The following L3MBTL3 variants were observed in gnomAD, a reference collection of about 807,000 sequenced individuals.
L3MBTL3 encodes the protein L3MBTL histone methyl-lysine binding protein 3, also known as lethal(3)malignant brain tumor-like protein 3.
In L3MBTL3, 27 loss-of-function variants were observed where a neutral mutation model predicts 102.3. The ratio of observed to expected loss-of-function variants is 0.26; its 90% confidence interval spans 0.19 to 0.36. L3MBTL3 has a LOEUF of 0.36. L3MBTL3 is among the 10% of genes least tolerant of loss of function. L3MBTL3 has a pLI of 1.00. For missense variants in L3MBTL3, 798 were observed against 955.3 expected (o/e 0.84, Z 2.17); for synonymous variants, 340 against 320.9 (o/e 1.06, Z -0.64).
At chr6:130,084,817 A>G (rs1294476529) in intron 15 of L3MBTL3, among the ~76,000 whole-genome samples, 2 of 152,046 alleles carry the variant, frequency 1.3e-5, no homozygotes, top group Non-Finnish European at 2.9e-5. Context: ...TAACATACTT[A>G]ATTTTCATGG....
chr6:130,063,032 A>C (rs1297175631), intron 10 of L3MBTL3, among the ~76,000 whole-genome samples: 1 of 145,266 alleles, frequency 6.9e-6, no homozygotes, highest in Non-Finnish European at 1.5e-5. Context: ...TTTGCAATGC[A>C]ATGGTAAGAC....
In L3MBTL3 at chr6:130,116,961, ATTTATTTATTTT is replaced by A. The variant is rs1048527405; in HGVS notation, c.1887-3910_1887-3899del. On this transcript the variant is annotated intron_variant, in intron 19 of 22. Transcript: ENST00000361794. Reference sequence around the variant, plus strand: ...TTTTCCTCTTATTTTTTATTTATTTATTTATTTATTTTTTTATTTTTTTATTATACTTTAAGT... The same window carrying A: ...TTTTCCTCTTATTTTTTATTTATTTATTTATTTTTTTATTATACTTTAAGT... 4.8e-4 allele frequency among the ~76,000 whole-genome samples: 65 copies of A among 135,578 alleles called. No homozygotes were observed. The South Asian group carries it at 8.8e-3, about 18-fold the overall frequency. 88.9% of individuals were successfully genotyped at this position (135,578 alleles called of 152,430 possible). A position where few individuals can be genotyped will look rare whatever the true frequency, so the allele number is the denominator to read the frequency against.
At chr6:130,025,073 ATTCT>A in intron 2 of L3MBTL3, among the ~76,000 whole-genome samples, 1 of 152,242 alleles carries the variant, frequency 6.6e-6, no homozygotes, top group East Asian at 1.9e-4. Flanking sequence ...GATTGAGGCG[ATTCT>A]TTCTTTGACC....
rs1350313530 is a variant in L3MBTL3 at position 130,071,094 on chromosome 6, A to G, written c.1211A>G (p.His404Arg). The G allele has an allele frequency of 6.2e-7, 1 of 1,613,110 alleles. No homozygotes were observed. The highest frequency in any genetic ancestry group is 1.7e-5 in the Admixed American group (1 of 59,922). ...TDMVDNRFLVHFDNWDESYDY... is the reference protein window; with the variant it reads ...TDMVDNRFLVRFDNWDESYDY... ...ATGGTGGACAATCGTTTCCTGGTACATTTTGACAACTGGGATGAGAGCTAT... is the reference window on the plus strand; with the variant it reads ...ATGGTGGACAATCGTTTCCTGGTACGTTTTGACAACTGGGATGAGAGCTAT... Residue 404 changes from histidine (H) to arginine (R), a missense_variant, in exon 13 of 23, where the codon CAT becomes CGT. Around this residue, in one of 4 missense-constraint regions of L3MBTL3, gnomAD observed 434 missense variants for 506.6 expected, o/e 0.86. Coordinates refer to ENST00000361794, the MANE Select transcript of L3MBTL3 (RefSeq NM_032438.4).
intron 1 of L3MBTL3, among the ~76,000 whole-genome samples, chr6:130,020,191 C>T (rs1257104220): frequency 6.7e-6 from 1 of 150,364 alleles, no homozygotes; most frequent in African/African-American, 2.4e-5. Context: ...GCTTTGCACA[C>T]TCGCGTCCTG....
intron 2 of L3MBTL3, among the ~76,000 whole-genome samples, chr6:130,034,785 A>T (rs1012617523): frequency 3.9e-5 from 6 of 152,210 alleles, no homozygotes; most frequent in African/African-American, 1.4e-4. Flanking sequence ...GCTTTATGGC[A>T]TGTGTGATTC....
chr6:130,133,342 C>A lies in L3MBTL3; in HGVS notation c.1967-110C>A. ...TCAATAGTATAATGCTGAAAGGAAC[C>A]AATGCTTTAACCACTCCCACCTCCA... is the stretch of plus-strand genomic sequence containing the variant. On this transcript the variant is annotated intron_variant, in intron 20 of 22. Coordinates refer to ENST00000361794, the MANE Select transcript of L3MBTL3 (RefSeq NM_032438.4). The surrounding 1 kb of genome is among the most constrained non-coding windows in gnomAD (Gnocchi z 4.9). 1 of 999,228 alleles carries A rather than the reference C, an allele frequency of 1.0e-6. No individual in the cohort carries two copies. Among genetic ancestry groups the A allele is most frequent in the Non-Finnish European group, 1.5e-6 (1 of 665,898 alleles). The allele number at this position is 999,228 out of a possible 1,614,324, so 61.9% of individuals were successfully genotyped here.
chr6:130,074,811 G>T (rs1449639661), intron 13 of L3MBTL3, among the ~76,000 whole-genome samples: 1 of 152,164 alleles, frequency 6.6e-6, no homozygotes, highest in Non-Finnish European at 1.5e-5. Flanking sequence ...TGTCCCAGTG[G>T]AGTCAGGGCA....
intron 5 of L3MBTL3, 150 bp from the exon 6 acceptor site, chr6:130,051,099 C>T (rs1042797649): frequency 1.0e-4 from 61 of 594,280 alleles, no homozygotes; most frequent in South Asian, 4.0e-4. Flanking sequence ...CCATACCCCC[C>T]GAAAACACTA....
intron 2 of L3MBTL3, among the ~76,000 whole-genome samples, chr6:130,031,502 A>G (rs914512783): frequency 5.9e-5 from 9 of 152,242 alleles, no homozygotes; most frequent in African/African-American, 2.2e-4. Context: ...GACGTCTCCC[A>G]AAGACGCTAG....
intron 13 of L3MBTL3, among the ~76,000 whole-genome samples, chr6:130,077,690 C>T (rs538237837): frequency 1.4e-4 from 21 of 152,316 alleles, no homozygotes; most frequent in South Asian, 4.1e-4. Context: ...TCCTTATTCC[C>T]TGGAAACTCC....
chr6:130,106,232 A>G (rs909207529), intron 19 of L3MBTL3, among the ~76,000 whole-genome samples: 6 of 152,204 alleles, frequency 3.9e-5, no homozygotes, highest in African/African-American at 1.4e-4. Flanking sequence ...AAATGAAATA[A>G]TGTCTGTGCA....
At chr6:130,090,657 A>G (rs1379697169) in intron 16 of L3MBTL3, among the ~76,000 whole-genome samples, 5 of 152,032 alleles carry the variant, frequency 3.3e-5, no homozygotes, top group African/African-American at 1.2e-4. Context: ...GTGCAGTGAT[A>G]TGGTCTTGGC....
chr6:130,135,070 C>CT (rs5880000), intron 22 of L3MBTL3, among the ~76,000 whole-genome samples: 4,836 of 127,346 alleles, frequency 0.038, 212 homozygotes, highest in African/African-American at 0.091. Flanking sequence ...CTGTTTTTTC[C>CT]TTTTTTTTTT....
At chr6:130,094,446 A>G (rs1582551839) in intron 18 of L3MBTL3, 79 bp downstream of exon 18, 1 of 780,770 alleles carries the variant, frequency 1.3e-6, no homozygotes, top group East Asian at 3.0e-5. Context: ...CATATATACT[A>G]AATTGATGTG....
intron 1 of L3MBTL3, among the ~76,000 whole-genome samples, chr6:130,021,188 T>C (rs1393079671): frequency 6.6e-6 from 1 of 152,118 alleles, no homozygotes; most frequent in Non-Finnish European, 1.5e-5. Flanking sequence ...TGCAGCAAAA[T>C]AGCGAACGTG....
intron 10 of L3MBTL3, 67 bp from the exon 11 acceptor site, chr6:130,066,286 G>T (rs866844302): frequency 1.0e-5 from 4 of 387,694 alleles, no homozygotes; most frequent in African/African-American, 8.2e-5. Context: ...TTATTTTTGT[G>T]TATATATATA....
chr6:130,096,689 T>G (rs936452024), intron 18 of L3MBTL3, among the ~76,000 whole-genome samples: 1 of 152,160 alleles, frequency 6.6e-6, no homozygotes, highest in Non-Finnish European at 1.5e-5. Flanking sequence ...CCTCCGAGGG[T>G]TCCTCAGCTG....
chr6:130,104,773 C>T, intron 19 of L3MBTL3, among the ~76,000 whole-genome samples, 198 bp downstream of exon 19: 1 of 150,000 alleles, frequency 6.7e-6, no homozygotes. Context: ...AAAGCATGTC[C>T]AAATCAGGCA....
Sources: allele counts gnomAD v4.1 joint callset (sites outside exome capture counted in the v4.1 genomes callset), GRCh38; gene constraint gnomAD v4.1.1; regional missense constraint gnomAD v4.1.1; non-coding constraint Gnocchi (gnomAD v3.1); transcripts MANE v1.5; gene names NCBI Gene and HGNC (gene_info 2026-07-23, HGNC 2026-07-21).